DNAH11: variants seen among roughly 807,000 people sequenced by gnomAD.
DNAH11 encodes axonemal beta dynein heavy chain 11.
DNAH11 carries 442 observed loss-of-function variants against 526.0 expected under a neutral mutation model. The observed-to-expected ratio is 0.84, with a 90% CI of 0.78 to 0.91. The LOEUF (loss-of-function observed/expected upper bound fraction) is 0.91, where lower values mean the gene tolerates loss of function less well. Ranked by LOEUF, DNAH11 falls within the 40% of genes least tolerant of loss-of-function variation. The pLI, the probability that DNAH11 is intolerant of heterozygous loss-of-function variation, is 0.00. For missense variants in DNAH11, 6,989 were observed against 5,448.7 expected (o/e 1.28, Z -8.90); for synonymous variants, 2,461 against 1,935.9 (o/e 1.27, Z -7.12).
In DNAH11 at chr7:21,655,864, C is replaced by T. The variant is rs1265908588; in HGVS notation, c.4977C>T (p.Ser1659=). The change falls in exon 29 of 82, where the codon AGC becomes AGT. Residue 1659 remains serine (S), a synonymous_variant. Coordinates refer to ENST00000409508, the MANE Select transcript of DNAH11 (RefSeq NM_001277115.2). ...GTCACCTTGCCAAACTTTTCGACAG[C>T]ATTGCAGATCTGCAGTTTGAAGACA... The part of the protein sequence containing the change: ...VTCHLAKLFD[S]IADLQFEDNQ... 2 of 1,613,294 alleles carry T rather than the reference C, an allele frequency of 1.2e-6. No homozygotes were observed. The highest frequency in any genetic ancestry group is 1.7e-6 in the Non-Finnish European group (2 of 1,179,526).
At chr7:21,884,651 G>C (rs1402464581) in intron 76 of DNAH11, among the ~76,000 whole-genome samples, 1 of 152,132 alleles carries the variant, frequency 6.6e-6, no homozygotes, top group East Asian at 1.9e-4. Flanking sequence ...ACCAGCGTGA[G>C]GCAGCCTCAC....
chr7:21,897,848 C>G (rs1784580303), intron 79 of DNAH11, among the ~76,000 whole-genome samples: 1 of 152,144 alleles, frequency 6.6e-6, no homozygotes. Flanking sequence ...AACACCTGAC[C>G]TCAAGTGATC....
intron 35 of DNAH11, among the ~76,000 whole-genome samples, chr7:21,694,582 C>G (rs540937241): frequency 1.3e-5 from 2 of 152,272 alleles, no homozygotes; most frequent in South Asian, 4.2e-4. Flanking sequence ...GCCACATTTT[C>G]TTTTTCCAGT....
intron 30 of DNAH11, among the ~76,000 whole-genome samples, chr7:21,670,947 G>A (rs993130630): frequency 6.6e-6 from 1 of 151,822 alleles, no homozygotes; most frequent in South Asian, 2.1e-4. Flanking sequence ...CTACATTTAT[G>A]TTTATCAGGT....
In DNAH11 at chr7:21,735,546, G is replaced by T. The variant is rs571307759; in HGVS notation, c.7441-94G>T. The T allele has an allele frequency of 4.4e-5, 44 of 1,009,310 alleles. No homozygotes were observed. The South Asian group carries it at 6.9e-4, about 16-fold the overall frequency. 62.5% of individuals were successfully genotyped at this position (1,009,310 alleles called of 1,614,324 possible). A position where few individuals can be genotyped will look rare whatever the true frequency, so the allele number is the denominator to read the frequency against. Reference sequence around the variant, plus strand: ...TTTGGATTTCAATTATAAAGTGACTGTGTTGAGTTTGATATAAAATTTTGG... The same window carrying T: ...TTTGGATTTCAATTATAAAGTGACTTTGTTGAGTTTGATATAAAATTTTGG... On this transcript the variant is annotated intron_variant, in intron 45 of 81. Coordinates refer to ENST00000409508, the MANE Select transcript of DNAH11 (RefSeq NM_001277115.2).
At chr7:21,837,870 A>G (rs1463678787) in intron 65 of DNAH11, among the ~76,000 whole-genome samples, 2 of 152,186 alleles carry the variant, frequency 1.3e-5, no homozygotes, top group Non-Finnish European at 2.9e-5. Context: ...GATCAATGAG[A>G]TGATGGATAT....
chr7:21,775,452 A>G (rs1763151421), intron 56 of DNAH11, among the ~76,000 whole-genome samples: 1 of 152,026 alleles, frequency 6.6e-6, no homozygotes, highest in South Asian at 2.1e-4. Context: ...CCCAATCTCT[A>G]CAAAAGAATT....
intron 8 of DNAH11, among the ~76,000 whole-genome samples, chr7:21,580,909 G>C (rs1055646425): frequency 2.0e-5 from 3 of 152,172 alleles, no homozygotes; most frequent in African/African-American, 7.2e-5. Context: ...TTAAATTCCA[G>C]CCCTGACATT....
intron 51 of DNAH11, among the ~76,000 whole-genome samples, chr7:21,745,773 T>A (rs868063402): frequency 7.9e-5 from 12 of 152,228 alleles, no homozygotes; most frequent in Non-Finnish European, 1.5e-5. Flanking sequence ...AATAGGTTGA[T>A]TCTGTGAGAA....
At chr7:21,859,314 A>C (rs1054594672) in intron 68 of DNAH11, among the ~76,000 whole-genome samples, 4 of 152,136 alleles carry the variant, frequency 2.6e-5, no homozygotes, top group Non-Finnish European at 5.9e-5. Flanking sequence ...GGGTTTCACC[A>C]TGTTGGCCAG....
rs1174618616 is a variant in DNAH11, at chr7:21,590,774, G to A, written c.2170-144G>A. On this transcript the variant is annotated intron_variant, in intron 12 of 81. Coordinates refer to ENST00000409508, the MANE Select transcript of DNAH11 (RefSeq NM_001277115.2). ...AATGTATGATTTTTGTTTTTAAAAA[G>A]TATATGAAACAAAAGTCTATTTACC... is the stretch of plus-strand genomic sequence containing the variant. 19 of 491,654 alleles carry A rather than the reference G, an allele frequency of 3.9e-5. No homozygotes were observed. The South Asian group carries it at 1.2e-3, about 30-fold the overall frequency. The allele number at this position is 491,654 out of a possible 1,614,324, so 30.5% of individuals were successfully genotyped here.
chr7:21,741,495 C>T (rs1785896397), intron 48 of DNAH11, among the ~76,000 whole-genome samples: 1 of 152,210 alleles, frequency 6.6e-6, no homozygotes, highest in Non-Finnish European at 1.5e-5. Flanking sequence ...CAGTAGCATA[C>T]AGTGGTTGCT....
intron 75 of DNAH11, among the ~76,000 whole-genome samples, chr7:21,883,348 T>C (rs796119687): frequency 5.9e-5 from 9 of 152,324 alleles, no homozygotes; most frequent in East Asian, 1.9e-4. Context: ...AGCTAAAGTA[T>C]AGCAAAGAGA....
chr7:21,705,200 T>A (rs1784217547), intron 38 of DNAH11, among the ~76,000 whole-genome samples: 1 of 152,190 alleles, frequency 6.6e-6, no homozygotes, highest in African/African-American at 2.4e-5. Flanking sequence ...GAGTTAATGA[T>A]TTTTGTAAGT....
rs778763544 is a variant in DNAH11 at position 21,899,374 on chromosome 7, C to T, written c.13088C>T (p.Thr4363Ile). The T allele has an allele frequency of 2.2e-5, 35 of 1,614,044 alleles. No individual in the cohort carries two copies. Among genetic ancestry groups the T allele is most frequent in the Non-Finnish European group, 2.9e-5 (34 of 1,179,892 alleles). Residue 4363 changes from threonine to isoleucine, a missense_variant, in exon 80 of 82, where the codon ACT becomes ATT. Thr to Ile is a moderately conservative substitution (Grantham distance 89, BLOSUM62 -1). Transcript: ENST00000409508. ...CTCCTGCGATGCCGAGAACTCGATA[C>T]TTGGACACAAGACCTTACCCTTCCG... ...DLLLRCRELD[T>I]WTQDLTLPAV...
intron 66 of DNAH11, chr7:21,851,321 G>A (rs146772002): frequency 0.047 from 12,301 of 263,732 alleles, 432 homozygotes; most frequent in South Asian, 0.13. Flanking sequence ...CACCATGATT[G>A]TAAGTTTCCT....
At chr7:21,787,634 AAC>A (rs1453584866) in intron 60 of DNAH11, 51 bp downstream of exon 60, 1 of 1,466,302 alleles carries the variant, frequency 6.8e-7, no homozygotes, top group Non-Finnish European at 9.1e-7. Flanking sequence ...AAGGGCTGCA[AAC>A]ACATCAATTT....
chr7:21,863,452 C>G (rs908810598), intron 69 of DNAH11, among the ~76,000 whole-genome samples: 1 of 152,260 alleles, frequency 6.6e-6, no homozygotes, highest in East Asian at 1.9e-4. Context: ...CTCAGCCTCC[C>G]GAGTAGCTGG....
At position 21,655,992 on chromosome 7, in the gene DNAH11, A is replaced by G. The variant is rs749850539; in HGVS notation, c.5094+11A>G. 1 of 1,580,394 alleles carries G rather than the reference A, an allele frequency of 6.3e-7. No individual in the cohort carries two copies. The highest frequency in any genetic ancestry group is 8.6e-7 in the Non-Finnish European group (1 of 1,161,216). Reference sequence around the variant, plus strand: ...GAATGTGTGGGCCATGTAAGATTTGATTATGAGGTTTTCTATGCTAGGGGA... The same window carrying G: ...GAATGTGTGGGCCATGTAAGATTTGGTTATGAGGTTTTCTATGCTAGGGGA... On this transcript the variant is annotated intron_variant, in intron 29 of 81. Transcript: ENST00000409508.
Sources: gnomAD v4.1 joint callset for allele counts (sites outside exome capture counted in the v4.1 genomes callset) on GRCh38, gnomAD v4.1.1 for gene constraint, MANE v1.5 for transcripts, NCBI Gene and HGNC (gene_info 2026-07-23, HGNC 2026-07-21) for gene names.